RCN2: variants seen among roughly 807,000 people sequenced by gnomAD.
The protein encoded by RCN2 is reticulocalbin-2.
RCN2 carries 23 observed loss-of-function variants against 37.5 expected under a neutral mutation model. That is an observed-to-expected ratio of 0.61 (90% CI 0.44 to 0.87). The LOEUF (loss-of-function observed/expected upper bound fraction) is 0.87, where lower values mean the gene tolerates loss of function less well. Ranked by LOEUF, RCN2 falls within the 40% of genes least tolerant of loss-of-function variation. The pLI is 0.00. For synonymous variants in RCN2, 140 were observed against 144.6 expected, an observed-to-expected ratio of 0.97 and a Z score of 0.23; for missense variants, 381 against 390.4, an observed-to-expected ratio of 0.98 and a Z score of 0.20.
rs2075284402 is a variant in RCN2, at chr15:76,943,754, A to AATTTT, written c.448-3_448-2insTTTTA. ...ATACTAATGAGAAATTTTAATTTTC[A>AATTTT]AAGCTTCACTTAAAGGACAAGAAGC... On this transcript the variant is annotated splice_polypyrimidine_tract_variant and splice_region_variant and intron_variant, in intron 3 of 6. Coordinates refer to ENST00000394885, the MANE Select transcript of RCN2 (RefSeq NM_002902.3). The AATTTT allele has an allele frequency of 6.5e-7, 1 of 1,547,994 alleles. No homozygotes were observed. Among genetic ancestry groups the AATTTT allele is most frequent in the African/African-American group, 1.4e-5 (1 of 73,146 alleles).
chr15:76,943,982 G>GA, intron 4 of RCN2, 111 bp downstream of exon 4: 4 of 236,436 alleles, frequency 1.7e-5, no homozygotes, highest in East Asian at 8.6e-5. Flanking sequence ...GGATACATGA[G>GA]ACTTTTTTTT....
rs2075320268 is a variant in RCN2, at chr15:76,951,472, G to A, written c.*2250G>A. ...AAAAATAAGCTTTTAATTATGTTAAGCCACTGAGATTTGGTTGTGCTTTTT... is the reference window on the plus strand; with the variant it reads ...AAAAATAAGCTTTTAATTATGTTAAACCACTGAGATTTGGTTGTGCTTTTT... On this transcript the variant is annotated 3_prime_UTR_variant, in exon 7 of 7. Transcript: ENST00000394885. 6.6e-6 allele frequency: 1 copy of A among 152,172 alleles called. No homozygotes were observed. Among genetic ancestry groups the A allele is most frequent in the Non-Finnish European group, 1.5e-5 (1 of 68,016 alleles). The allele number at this position is 152,172 out of a possible 1,614,324, so 9.4% of individuals were successfully genotyped here.
At chr15:76,938,418 A>C (rs1333699757) in intron 3 of RCN2, among the ~76,000 whole-genome samples, 1 of 152,210 alleles carries the variant, frequency 6.6e-6, no homozygotes, top group Non-Finnish European at 1.5e-5. Flanking sequence ...GGGTTTTGGT[A>C]TCTGTGGGAG....
At chr15:76,935,857 A>G in intron 3 of RCN2, 135 bp downstream of exon 3, 1 of 595,064 alleles carries the variant, frequency 1.7e-6, no homozygotes, top group Non-Finnish European at 2.9e-6. Flanking sequence ...GTTCCACTTC[A>G]GCAGTCATTT....
rs2075332892 is a variant in RCN2 at position 76,953,584 on chromosome 15, TATA to T, written c.*4363_*4365del. The T allele has an allele frequency of 8.6e-5, 2 of 23,248 alleles. No homozygotes were observed. Among genetic ancestry groups the T allele is most frequent in the Non-Finnish European group, 1.8e-4 (2 of 11,056 alleles). 1.4% of individuals were successfully genotyped at this position (23,248 alleles called of 1,614,324 possible). ...ATATATATATATATATATATATATA[TATA>T]TATATATTTTTTTTTTTTTTTTTTT... On this transcript the variant is annotated 3_prime_UTR_variant, in exon 7 of 7. Transcript: ENST00000394885.
chr15:76,934,354 C>G (rs977544564), intron 2 of RCN2, among the ~76,000 whole-genome samples: 2 of 152,000 alleles, frequency 1.3e-5, no homozygotes, highest in African/African-American at 4.8e-5. Flanking sequence ...CGAGACCAGG[C>G]TGGTCTCGAA....
chr15:76,935,791 C>G (rs779673867), intron 3 of RCN2, 69 bp downstream of exon 3: 3 of 1,172,696 alleles, frequency 2.6e-6, no homozygotes, highest in Non-Finnish European at 3.7e-6. Context: ...CATGAATGAG[C>G]ACATTGAGGG....
chr15:76,932,509 A>G (rs2075228837), intron 2 of RCN2, 43 bp downstream of exon 2: 1 of 1,327,226 alleles, frequency 7.5e-7, no homozygotes. Context: ...ACAAACACAA[A>G]TATGTTAAGC....
rs1368948182 is a variant in RCN2 at position 76,950,114 on chromosome 15, T to C, written c.*892T>C. The C allele has an allele frequency of 6.6e-6, 1 of 152,140 alleles. No homozygotes were observed. Among genetic ancestry groups the C allele is most frequent in the Non-Finnish European group, 1.5e-5 (1 of 68,022 alleles). 9.4% of individuals were successfully genotyped at this position (152,140 alleles called of 1,614,324 possible). A position where few individuals can be genotyped will look rare whatever the true frequency, so the allele number is the denominator to read the frequency against. On this transcript the variant is annotated 3_prime_UTR_variant, in exon 7 of 7. Coordinates refer to ENST00000394885, the MANE Select transcript of RCN2 (RefSeq NM_002902.3). The stretch of plus-strand genomic sequence containing the variant: ...ATGTGCACCTGACACATTTTAATAA[T>C]TGGTGTTGTAGCAAATGTGGTTTTG...
At chr15:76,948,624 G>A in intron 6 of RCN2, 72 bp downstream of exon 6, 1 of 1,400,096 alleles carries the variant, frequency 7.1e-7, no homozygotes, top group Non-Finnish European at 9.5e-7. Flanking sequence ...AGGAAAAGAA[G>A]TTCAAAATCT....
chr15:76,949,974 A>G lies in RCN2; in HGVS notation c.*752A>G, dbSNP rs1304102178. Reference sequence around the variant, plus strand: ...TAGCATAGGTTTTGTGGTATTGTACATTATCTTGCCTCATCCATTCCTTTA... The same window carrying G: ...TAGCATAGGTTTTGTGGTATTGTACGTTATCTTGCCTCATCCATTCCTTTA... On this transcript the variant is annotated 3_prime_UTR_variant, in exon 7 of 7. Transcript: ENST00000394885. The G allele has an allele frequency of 1.3e-5, 2 of 152,084 alleles. No individual in the cohort carries two copies. Among genetic ancestry groups the G allele is most frequent in the Admixed American group, 6.5e-5 (1 of 15,270 alleles). The allele number at this position is 152,084 out of a possible 1,614,324, so 9.4% of individuals were successfully genotyped here.
At chr15:76,944,361 T>G (rs953579918) in intron 4 of RCN2, among the ~76,000 whole-genome samples, 4 of 152,178 alleles carry the variant, frequency 2.6e-5, no homozygotes, top group Non-Finnish European at 5.9e-5. Context: ...ACTTTTATCC[T>G]TTGTGTTACT....
rs1267601327 is a variant in RCN2 at position 76,952,234 on chromosome 15, T to G, written c.*3012T>G. The G allele has an allele frequency of 6.6e-6, 1 of 152,172 alleles. No individual in the cohort carries two copies. Among genetic ancestry groups the G allele is most frequent in the Non-Finnish European group, 1.5e-5 (1 of 68,032 alleles). 9.4% of individuals were successfully genotyped at this position (152,172 alleles called of 1,614,324 possible). A position where few individuals can be genotyped will look rare whatever the true frequency, so the allele number is the denominator to read the frequency against. On this transcript the variant is annotated 3_prime_UTR_variant, in exon 7 of 7. Transcript: ENST00000394885. ...TCATTGTCACCCAAAGTGCATAGTT[T>G]ACATTAGGGTTCACTCTTGGTGCTG...
intron 4 of RCN2, among the ~76,000 whole-genome samples, chr15:76,944,489 T>G (rs1377002207): frequency 6.6e-6 from 1 of 152,202 alleles, no homozygotes; most frequent in Non-Finnish European, 1.5e-5. Context: ...CTGTTTTTTT[T>G]GTACTCATTA....
intron 6 of RCN2, 107 bp downstream of exon 6, chr15:76,948,659 G>A: frequency 8.8e-7 from 1 of 1,138,474 alleles, no homozygotes; most frequent in Non-Finnish European, 1.2e-6. Flanking sequence ...AAGTAATGGA[G>A]TTATTTGGGA....
intron 2 of RCN2, 26 bp from the exon 3 acceptor site, chr15:76,935,500 C>T (rs372309500): frequency 1.4e-4 from 220 of 1,558,156 alleles, no homozygotes; most frequent in African/African-American, 4.1e-4. Flanking sequence ...ACGTCACATG[C>T]GTTGTGTTCT....
rs1309983702 is a variant in RCN2, at chr15:76,947,642, GT to G, written c.658+128del. 7 of 660,864 alleles carry G rather than the reference GT, an allele frequency of 1.1e-5. No individual in the cohort carries two copies. In the African/African-American group the frequency reaches 1.3e-4, roughly 13 times the overall value. The allele number at this position is 660,864 out of a possible 1,614,324, so 40.9% of individuals were successfully genotyped here. On this transcript the variant is annotated intron_variant, in intron 5 of 6. Coordinates refer to ENST00000394885, the MANE Select transcript of RCN2 (RefSeq NM_002902.3). ...TGAGGATCTGTGTCTGATCCTACTT[GT>G]TTCGTTAACTGTAATACAAGTTCAA...
rs1023700650 is a variant in RCN2 at position 76,953,468 on chromosome 15, G to A, written c.*4246G>A. 1 of 144,990 alleles carries A rather than the reference G, an allele frequency of 6.9e-6. No individual in the cohort carries two copies. The highest frequency in any genetic ancestry group is 2.0e-4 in the East Asian group (1 of 4,932). 9.0% of individuals were successfully genotyped at this position (144,990 alleles called of 1,614,324 possible). On this transcript the variant is annotated 3_prime_UTR_variant, in exon 7 of 7. Transcript: ENST00000394885. ...GAATAATGCTGCCATGAATATGGGTGTACAAATATTTCTTTGAGATCCTGC... is the reference window on the plus strand; with the variant it reads ...GAATAATGCTGCCATGAATATGGGTATACAAATATTTCTTTGAGATCCTGC...
At chr15:76,948,109 A>C (rs1362854911) in intron 5 of RCN2, 3 of 216,384 alleles carry the variant, frequency 1.4e-5, no homozygotes, top group African/African-American at 6.8e-5. Flanking sequence ...GATATACAGT[A>C]AAACATTACC....
Sources: allele counts gnomAD v4.1 joint callset (sites outside exome capture counted in the v4.1 genomes callset), GRCh38; gene constraint gnomAD v4.1.1; transcripts MANE v1.5; gene names NCBI Gene and HGNC (gene_info 2026-07-23, HGNC 2026-07-21).